WDR19: variants seen among roughly 807,000 people sequenced by gnomAD.
WDR19 encodes WD repeat domain 19, also known as WD repeat-containing protein 19.
WDR19 carries 121 observed loss-of-function variants against 180.0 expected under a neutral mutation model. The observed-to-expected ratio is 0.67, with a 90% CI of 0.58 to 0.78. The LOEUF (loss-of-function observed/expected upper bound fraction) is 0.78. WDR19 is among the 30% of genes least tolerant of loss of function. The probability of loss-of-function intolerance (pLI) is 0.00; values close to 1 mark genes in which losing one functional copy is unlikely to be tolerated. For missense variants in WDR19, 1,450 were observed against 1,640.7 expected (o/e 0.88, Z 2.01); for synonymous variants, 497 against 540.7 (o/e 0.92, Z 1.12).
chr4:39,239,978 G>GC (rs757308268), intron 20 of WDR19, among the ~76,000 whole-genome samples: 17 of 152,180 alleles, frequency 1.1e-4, no homozygotes, highest in Non-Finnish European at 2.1e-4. Context: ...TTCAAGACCA[G>GC]CCTTGGCAAC....
Position 39,203,722 on chromosome 4 carries a change from G to T in WDR19, c.603G>T (p.Met201Ile). The change falls in exon 7 of 37, where the codon ATG (methionine) becomes ATT (isoleucine). Residue 201 changes from methionine (M) to isoleucine (I), a missense_variant and splice_region_variant. Coordinates refer to ENST00000399820, the MANE Select transcript of WDR19 (RefSeq NM_025132.4). ...MDDRTSAAES[M>I]ISVVLGKKTL... The stretch of plus-strand genomic sequence containing the variant: ...ACCGAACCTCTGCTGCTGAAAGCAT[G>T]GTAAGAATTCTAATCAAATCCACGT... 6.2e-7 allele frequency: 1 copy of T among 1,609,438 alleles called. No individual in the cohort carries two copies. Among genetic ancestry groups the T allele is most frequent in the South Asian group, 1.1e-5 (1 of 89,914 alleles).
intron 3 of WDR19, among the ~76,000 whole-genome samples, chr4:39,188,632 AAAAG>A (rs1725819806): frequency 1.3e-5 from 2 of 151,612 alleles, no homozygotes; most frequent in African/African-American, 2.4e-5. Flanking sequence ...AAAAAAAAAA[AAAAG>A]AAAAGAAAGA....
chr4:39,195,812 T>C (rs1037834534), intron 5 of WDR19, among the ~76,000 whole-genome samples: 12 of 152,354 alleles, frequency 7.9e-5, no homozygotes, highest in African/African-American at 2.6e-4. Flanking sequence ...CAAATTAGTT[T>C]TACATATATG....
chr4:39,242,617 G>C (rs568411190), intron 21 of WDR19, among the ~76,000 whole-genome samples: 1 of 152,244 alleles, frequency 6.6e-6, no homozygotes, highest in Admixed American at 6.5e-5. Context: ...GACACCAGGA[G>C]TTCAAGACCA....
chr4:39,246,762 C>T (rs1471118708), intron 24 of WDR19, among the ~76,000 whole-genome samples: 2 of 152,206 alleles, frequency 1.3e-5, no homozygotes, highest in Non-Finnish European at 2.9e-5. Flanking sequence ...ATTGCTAGCA[C>T]AGCAGTCTGA....
chr4:39,206,019 G>A, intron 9 of WDR19: 1 of 234,632 alleles, frequency 4.3e-6, no homozygotes, highest in Non-Finnish European at 8.2e-6. Flanking sequence ...CAGAATGCAT[G>A]GAGCAGATAT....
At chr4:39,283,030 TAG>T (rs1736723320) in intron 36 of WDR19, among the ~76,000 whole-genome samples, 1 of 152,228 alleles carries the variant, frequency 6.6e-6, no homozygotes, top group Non-Finnish European at 1.5e-5. Flanking sequence ...TGTTGTATAA[TAG>T]TAGAGTCAAC....
Position 39,228,222 on chromosome 4 carries a change from A to G in WDR19, c.1642A>G (p.Thr548Ala). The G allele has an allele frequency of 1.9e-6, 3 of 1,612,884 alleles. No individual in the cohort carries two copies. The highest frequency in any genetic ancestry group is 2.5e-6 in the Non-Finnish European group (3 of 1,179,598). ...TTTTATTTTGTAGGTCAATGACGCT[A>G]CCTATGAGATTCCAGATTTTTCACC... ...GFVYCPVNDA[T>A]YEIPDFSPTI... is the part of the protein sequence containing the mutation. Residue 548 changes from threonine (T) to alanine (A), a missense_variant, in exon 16 of 37, where the codon ACC (threonine) becomes GCC (alanine). Transcript: ENST00000399820.
At position 39,245,576 on chromosome 4, in the gene WDR19, C is replaced by T. The variant is rs144179492; in HGVS notation, c.2729+124C>T. Reference sequence around the variant, plus strand: ...AAAGACAGAAAACACCTTTAATTACCCCTTGTTGGCCTGAAGTGCCAGACT... The same window carrying T: ...AAAGACAGAAAACACCTTTAATTACTCCTTGTTGGCCTGAAGTGCCAGACT... On this transcript the variant is annotated intron_variant, in intron 24 of 36. Transcript: ENST00000399820. The T allele has an allele frequency of 1.3e-4, 117 of 918,914 alleles. No homozygotes were observed. In the East Asian group the frequency reaches 1.5e-3, roughly 12 times the overall value. 56.9% of individuals were successfully genotyped at this position (918,914 alleles called of 1,614,324 possible).
At chr4:39,233,167 T>C (rs1731051660) in intron 19 of WDR19, among the ~76,000 whole-genome samples, 1 of 152,212 alleles carries the variant, frequency 6.6e-6, no homozygotes, top group South Asian at 2.1e-4. Flanking sequence ...TGTGAAATTC[T>C]GTTGTGTATT....
chr4:39,269,875 T>A (rs1217327271), intron 30 of WDR19, 101 bp from the exon 31 acceptor site: 5 of 1,441,660 alleles, frequency 3.5e-6, no homozygotes, highest in Non-Finnish European at 4.7e-6. Flanking sequence ...AAGAGATTAC[T>A]AATAACAAGA....
At chr4:39,231,339 A>C (rs1339612320) in intron 17 of WDR19, among the ~76,000 whole-genome samples, 1 of 143,664 alleles carries the variant, frequency 7.0e-6, no homozygotes, top group Non-Finnish European at 1.5e-5. Context: ...AAAAAAAAAG[A>C]GTGGGCTGAT....
In WDR19 at chr4:39,278,121, C is replaced by T; in HGVS notation, c.3841-10C>T. On this transcript the variant is annotated splice_polypyrimidine_tract_variant and intron_variant, in intron 34 of 36. Coordinates refer to ENST00000399820, the MANE Select transcript of WDR19 (RefSeq NM_025132.4). ...AAGATGAATTTAACTCTTAAACATC[C>T]TGTTTCCAGGGTCGACACATGTTGA... The T allele has an allele frequency of 1.3e-6, 2 of 1,593,982 alleles. No individual in the cohort carries two copies. Among genetic ancestry groups the T allele is most frequent in the Middle Eastern group, 1.7e-4 (1 of 6,040 alleles).
intron 31 of WDR19, 112 bp downstream of exon 31, chr4:39,270,212 T>G (rs1040986159): frequency 2.1e-5 from 30 of 1,398,754 alleles, no homozygotes; most frequent in Non-Finnish European, 2.7e-5. Context: ...ATGTCTGTAT[T>G]GTTAAGTAAC....
intron 9 of WDR19, among the ~76,000 whole-genome samples, chr4:39,209,540 C>G (rs1169133862): frequency 6.6e-6 from 1 of 151,866 alleles, no homozygotes; most frequent in African/African-American, 2.4e-5. Context: ...TGGAGAAACC[C>G]TGTCTCTACT....
intron 6 of WDR19, among the ~76,000 whole-genome samples, chr4:39,202,317 C>T (rs753506481): frequency 1.1e-4 from 17 of 151,954 alleles, no homozygotes; most frequent in Admixed American, 7.2e-4. Flanking sequence ...AATGACGCCT[C>T]GTTTTTAGAA....
chr4:39,237,916 T>A (rs1230031304), intron 20 of WDR19: 5 of 152,218 alleles, frequency 3.3e-5, no homozygotes, highest in Non-Finnish European at 7.3e-5. Context: ...GATTTTCACT[T>A]CCTTCAGGAA....
chr4:39,255,922 G>T lies in WDR19; in HGVS notation c.3076G>T (p.Ala1026Ser). The change falls in exon 27 of 37, where the codon GCT becomes TCT. Residue 1026 changes from alanine (A) to serine (S), a missense_variant. By Grantham distance (99) the Ala-to-Ser change is moderately conservative. Transcript: ENST00000399820. ...TGAAGGAGAAAAGAGATATCTTCAG[G>T]CTGGAAAATTCTTCTTGCTGTGTGG... ...YFEGEKRYLQ[A>S]GKFFLLCGQY... 2 of 1,607,976 alleles carry T rather than the reference G, an allele frequency of 1.2e-6. No homozygotes were observed. Among genetic ancestry groups the T allele is most frequent in the Non-Finnish European group, 1.7e-6 (2 of 1,177,172 alleles).
rs747165335 is a variant in WDR19 at position 39,278,155 on chromosome 4, TGGAC to T, written c.3868_3871del (p.Thr1290CysfsTer14). The T allele has an allele frequency of 2.5e-6, 4 of 1,606,996 alleles. No homozygotes were observed. Among genetic ancestry groups the T allele is most frequent in the Non-Finnish European group, 3.4e-6 (4 of 1,176,752 alleles). ...GGGTCGACACATGTTGAAAGATGAC[TGGAC>T]GGTGTGTCCACATTGTGACTTCCCT... On this transcript the variant is annotated frameshift_variant, in exon 35 of 37. Coordinates refer to ENST00000399820, the MANE Select transcript of WDR19 (RefSeq NM_025132.4). LOFTEE classifies it high-confidence loss of function.
Sources: allele counts gnomAD v4.1 joint callset (sites outside exome capture counted in the v4.1 genomes callset), GRCh38; gene constraint gnomAD v4.1.1; transcripts MANE v1.5; gene names NCBI Gene and HGNC (gene_info 2026-07-23, HGNC 2026-07-21).